GRM1: variants seen among roughly 807,000 people sequenced by gnomAD.
GRM1 encodes metabotropic glutamate receptor 1.
In GRM1, 33 loss-of-function variants were observed where a neutral mutation model predicts 90.9. That is an observed-to-expected ratio of 0.36 (90% CI 0.28 to 0.49). The LOEUF is 0.49. Among genes scored for constraint, GRM1 ranks in the 20% least tolerant of loss-of-function variants. The probability of loss-of-function intolerance (pLI) is 0.99; values close to 1 mark genes in which losing one functional copy is unlikely to be tolerated. For synonymous variants in GRM1, 700 were observed against 613.2 expected (o/e 1.14, Z -2.09); for missense variants, 1,190 against 1,534.3 (o/e 0.78, Z 3.75).
chr6:146,364,872 G>A (rs1473314779), intron 5 of GRM1: 8 of 150,482 alleles, frequency 5.3e-5, no homozygotes, highest in South Asian at 2.1e-4. Flanking sequence ...GACAATTCTC[G>A]TATAATTATC....
At chr6:146,380,411 C>T (rs1359188111) in intron 5 of GRM1, among the ~76,000 whole-genome samples, 1 of 151,736 alleles carries the variant, frequency 6.6e-6, no homozygotes, top group Admixed American at 6.6e-5. Flanking sequence ...GAGACTCACC[C>T]CATAGTCACT....
chr6:146,377,353 A>G (rs1776138877), intron 5 of GRM1, among the ~76,000 whole-genome samples: 1 of 152,156 alleles, frequency 6.6e-6, no homozygotes, highest in Admixed American at 6.6e-5. Context: ...CTGAAGTGAT[A>G]TGGACAATAA....
chr6:146,251,765 T>G (rs1425760656), intron 2 of GRM1, among the ~76,000 whole-genome samples: 1 of 152,208 alleles, frequency 6.6e-6, no homozygotes, highest in Admixed American at 6.5e-5. Flanking sequence ...TCCTATCTCA[T>G]TCAAAGCTCA....
At chr6:146,107,495 C>T (rs1775357105) in intron 1 of GRM1, among the ~76,000 whole-genome samples, 1 of 152,064 alleles carries the variant, frequency 6.6e-6, no homozygotes, top group Non-Finnish European at 1.5e-5. Flanking sequence ...TTGCCTATTA[C>T]TGGCCTGAGG....
At position 146,138,955 on chromosome 6, in the gene GRM1, CACTT is replaced by C. The variant is rs556289904; in HGVS notation, c.701-20390_701-20387del. On this transcript the variant is annotated intron_variant, in intron 1 of 7. Coordinates refer to ENST00000282753, the MANE Select transcript of GRM1 (RefSeq NM_001278064.2). ...AATGTTCTTTTTTTTTTAATGTAGA[CACTT>C]ACAGCGCTAAAATTTCCTCTTAATA... 5.1e-4 allele frequency among the ~76,000 whole-genome samples: 77 copies of C among 151,440 alleles called. 1 individual carries two copies. The South Asian group carries it at 0.016, about 30-fold the overall frequency.
chr6:146,147,808 T>C (rs1777168089), intron 1 of GRM1, among the ~76,000 whole-genome samples: 1 of 152,124 alleles, frequency 6.6e-6, no homozygotes, highest in Admixed American at 6.6e-5. Context: ...GTATATTTTT[T>C]CTTAAGGCAG....
chr6:146,280,840 C>T (rs561258280), intron 2 of GRM1, among the ~76,000 whole-genome samples: 10 of 151,990 alleles, frequency 6.6e-5, no homozygotes, highest in African/African-American at 9.7e-5. Context: ...GCTGCTGAGG[C>T]GGGTCTTGAA....
intron 1 of GRM1, among the ~76,000 whole-genome samples, chr6:146,095,939 C>T (rs951997144): frequency 3.3e-5 from 5 of 152,104 alleles, no homozygotes; most frequent in Admixed American, 1.3e-4. Flanking sequence ...CAGTCTTTTC[C>T]ATTTCAGACA....
chr6:146,256,476 A>G (rs1583230125), intron 2 of GRM1, among the ~76,000 whole-genome samples: 2 of 151,934 alleles, frequency 1.3e-5, no homozygotes, highest in East Asian at 1.9e-4. Context: ...AACTCCTTCC[A>G]TCTTCCTTTT....
chr6:146,125,367 G>A (rs529710847), intron 1 of GRM1, among the ~76,000 whole-genome samples: 96 of 152,080 alleles, frequency 6.3e-4, no homozygotes, highest in Middle Eastern at 3.4e-3. Flanking sequence ...AAAGCCCTTT[G>A]TGTGGGTATA....
chr6:146,095,590 C>T (rs1313079839), intron 1 of GRM1, among the ~76,000 whole-genome samples: 7 of 152,080 alleles, frequency 4.6e-5, no homozygotes, highest in East Asian at 1.9e-4. Flanking sequence ...TCACTTATCA[C>T]GACCTGCCTG....
Position 146,369,188 on chromosome 6 carries a change from T to G in GRM1, c.1602+11494T>G, listed in dbSNP as rs147343577. 2.4e-3 allele frequency among the ~76,000 whole-genome samples: 371 copies of G among 152,058 alleles called. 2 individuals carry two copies. The highest frequency in any genetic ancestry group is 4.2e-3 in the Admixed American group (64 of 15,230). On this transcript the variant is annotated intron_variant, in intron 5 of 7. Transcript: ENST00000282753. ...TGTGGTATCAATTGTGGTGCCTTTT[T>G]TTCATCTCTGATTTTATTTATTTGG...
rs71028383 is a variant in GRM1 at position 146,235,701 on chromosome 6, CGTGTGTGT to C, written c.951-68873_951-68866del. 9.7e-3 allele frequency among the ~76,000 whole-genome samples: 994 copies of C among 102,850 alleles called. 38 individuals are homozygous for C. The highest frequency in any genetic ancestry group is 0.083 in the Admixed American group (825 of 9,966). The allele number at this position is 102,850 out of a possible 152,430, so 67.5% of individuals were successfully genotyped here. A position where few individuals can be genotyped will look rare whatever the true frequency, so the allele number is the denominator to read the frequency against. ...TCAAAGACATTTTCATCTCTGTTAC[CGTGTGTGT>C]GTGTGTGTGTGTGTGTGTGTGTGTG... On this transcript the variant is annotated intron_variant, in intron 2 of 7. Coordinates refer to ENST00000282753, the MANE Select transcript of GRM1 (RefSeq NM_001278064.2).
intron 1 of GRM1, among the ~76,000 whole-genome samples, chr6:146,133,799 A>G (rs1446406332): frequency 6.6e-6 from 1 of 152,210 alleles, no homozygotes; most frequent in Non-Finnish European, 1.5e-5. Flanking sequence ...CTGCCTTCAG[A>G]AGGATCTGTG....
At chr6:146,224,881 G>C (rs776256285) in intron 2 of GRM1, among the ~76,000 whole-genome samples, 1 of 152,140 alleles carries the variant, frequency 6.6e-6, no homozygotes, top group African/African-American at 2.4e-5. Context: ...TGGTCAGTTA[G>C]TATCAATCCT....
At chr6:146,291,533 C>T (rs1429059891) in intron 2 of GRM1, among the ~76,000 whole-genome samples, 2 of 151,660 alleles carry the variant, frequency 1.3e-5, no homozygotes, top group Non-Finnish European at 2.9e-5. Context: ...AGAAAGTCCC[C>T]CTTGTCTTCT....
At chr6:146,267,881 A>G (rs1202288894) in intron 2 of GRM1, among the ~76,000 whole-genome samples, 1 of 152,152 alleles carries the variant, frequency 6.6e-6, no homozygotes, top group Non-Finnish European at 1.5e-5. Flanking sequence ...TTGGCAACAG[A>G]CACACTCAGG....
intron 2 of GRM1, among the ~76,000 whole-genome samples, chr6:146,186,980 C>T (rs1778757527): frequency 6.6e-6 from 1 of 152,014 alleles, no homozygotes; most frequent in African/African-American, 2.4e-5. Context: ...GTTATATTTA[C>T]CTTTTATTGG....
At chr6:146,271,095 C>T (rs998280828) in intron 2 of GRM1, among the ~76,000 whole-genome samples, 5 of 151,612 alleles carry the variant, frequency 3.3e-5, no homozygotes, top group African/African-American at 1.2e-4. Context: ...ACCTTCACCT[C>T]CCAGGTTCAA....
Sources: gnomAD v4.1 joint callset for allele counts (sites outside exome capture counted in the v4.1 genomes callset) on GRCh38, gnomAD v4.1.1 for gene constraint, MANE v1.5 for transcripts, NCBI Gene and HGNC (gene_info 2026-07-23, HGNC 2026-07-21) for gene names.